Variants in MICU1 observed in about 807,000 individuals in gnomAD.
The protein encoded by MICU1 is calcium uptake protein 1, mitochondrial.
In MICU1, 45 loss-of-function variants were observed where a neutral mutation model predicts 56.8. The ratio of observed to expected loss-of-function variants is 0.79; its 90% CI spans 0.62 to 1.02. The LOEUF (loss-of-function observed/expected upper bound fraction) is 1.02. MICU1 is among the 50% of genes least tolerant of loss of function. The pLI is 0.00. For synonymous variants in MICU1, 186 were observed against 195.1 expected, an observed-to-expected ratio of 0.95 and a Z score of 0.39; for missense variants, 504 against 587.1, an observed-to-expected ratio of 0.86 and a Z score of 1.46.
chr10:72,624,825 A>G (rs1842190786), intron 1 of MICU1, among the ~76,000 whole-genome samples: 1 of 152,216 alleles, frequency 6.6e-6, no homozygotes, highest in South Asian at 2.1e-4. Context: ...AGCTGGAGGC[A>G]AAAGCCACCT....
intron 1 of MICU1, among the ~76,000 whole-genome samples, chr10:72,615,748 T>C (rs1296387797): frequency 6.6e-6 from 1 of 152,028 alleles, no homozygotes; most frequent in Non-Finnish European, 1.5e-5. Context: ...CCCAGCACTT[T>C]GGGAGGCCGA....
intron 4 of MICU1, 72 bp downstream of exon 4, chr10:72,551,107 T>C (rs1840023780): frequency 1.4e-6 from 2 of 1,396,524 alleles, no homozygotes; most frequent in African/African-American, 1.4e-5. Flanking sequence ...ATTTCAGTAC[T>C]ATGTAGAAAG....
intron 8 of MICU1, among the ~76,000 whole-genome samples, chr10:72,426,564 AT>A (rs1864355718): frequency 6.6e-6 from 1 of 151,404 alleles, no homozygotes; most frequent in South Asian, 2.1e-4. Context: ...TGCCTGGCTA[AT>A]TTTTGCATTT....
intron 5 of MICU1, among the ~76,000 whole-genome samples, chr10:72,516,409 CT>C (rs1298154852): frequency 6.6e-6 from 1 of 152,050 alleles, no homozygotes; most frequent in Non-Finnish European, 1.5e-5. Context: ...ATGATAGTTT[CT>C]TTTGCTGTGT....
intron 8 of MICU1, among the ~76,000 whole-genome samples, chr10:72,457,160 C>A (rs191566833): frequency 6.6e-6 from 1 of 151,190 alleles, no homozygotes; most frequent in African/African-American, 2.4e-5. Context: ...GTTGCTAATA[C>A]AGTTGTAGAG....
Position 72,388,470 on chromosome 10 carries a change from C to G in MICU1, c.1181-12598G>C, listed in dbSNP as rs888946252. The stretch of plus-strand genomic sequence containing the variant: ...TCTACTAAGGCGTTCCTATGCAGGA[C>G]AAGAAGCTAGATTAGACAACTCCAA... On this transcript the variant is annotated intron_variant, in intron 10 of 11. Transcript: ENST00000361114. 1.8e-4 allele frequency among the ~76,000 whole-genome samples: 27 copies of G among 152,066 alleles called. 1 individual carries two copies. The highest frequency in any genetic ancestry group is 6.5e-4 in the African/African-American group (27 of 41,374).
intron 6 of MICU1, among the ~76,000 whole-genome samples, chr10:72,489,290 TCACACACACACACACACA>T (rs67070756): frequency 2.1e-5 from 3 of 141,556 alleles, no homozygotes; most frequent in Admixed American, 7.1e-5. Context: ...CGAGACTCTG[TCACACACACACACACACA>T]CACACACACA....
chr10:72,588,326 G>GTTT (rs11440516), intron 1 of MICU1, among the ~76,000 whole-genome samples: 1 of 148,256 alleles, frequency 6.7e-6, no homozygotes, highest in Non-Finnish European at 1.5e-5. Context: ...CCAGTCTGAG[G>GTTT]TTTTTTTTTT....
intron 10 of MICU1, among the ~76,000 whole-genome samples, chr10:72,395,725 G>A (rs1863233819): frequency 6.6e-6 from 1 of 152,258 alleles, no homozygotes; most frequent in Non-Finnish European, 1.5e-5. Context: ...GCCTGGCTGG[G>A]GGAGGGGCAT....
chr10:72,456,362 C>CTTT (rs1865457195), intron 8 of MICU1, among the ~76,000 whole-genome samples: 2 of 152,084 alleles, frequency 1.3e-5, no homozygotes, highest in African/African-American at 4.8e-5. Context: ...AAGCTGTGAC[C>CTTT]AAAAGGATAA....
intron 8 of MICU1, among the ~76,000 whole-genome samples, chr10:72,442,452 T>C (rs953229450): frequency 2.6e-5 from 4 of 152,120 alleles, no homozygotes; most frequent in African/African-American, 7.2e-5. Flanking sequence ...CCAATTTTCA[T>C]AGCGATAAAA....
intron 5 of MICU1, among the ~76,000 whole-genome samples, chr10:72,525,987 T>A (rs74351576): frequency 0.027 from 4,158 of 152,182 alleles, 187 homozygotes; most frequent in African/African-American, 0.096. Context: ...CTTTATAACA[T>A]CTACTAACCA....
At chr10:72,496,301 T>C (rs1338739970) in intron 6 of MICU1, among the ~76,000 whole-genome samples, 1 of 124,616 alleles carries the variant, frequency 8.0e-6, no homozygotes, top group African/African-American at 4.1e-5. Context: ...GGCTAATTCC[T>C]TTTTTTTTTT....
chr10:72,406,484 A>C (rs1389729070), intron 10 of MICU1, among the ~76,000 whole-genome samples: 1 of 152,222 alleles, frequency 6.6e-6, no homozygotes, highest in African/African-American at 2.4e-5. Flanking sequence ...GCTGATTCTA[A>C]AATTTATATG....
intron 1 of MICU1, among the ~76,000 whole-genome samples, chr10:72,603,041 G>C (rs981217847): frequency 6.6e-6 from 1 of 152,084 alleles, no homozygotes; most frequent in Non-Finnish European, 1.5e-5. Flanking sequence ...CGTGAACCCA[G>C]AAGTCAGAGC....
chr10:72,372,503 G>C (rs1309482644), intron 11 of MICU1, among the ~76,000 whole-genome samples: 1 of 152,064 alleles, frequency 6.6e-6, no homozygotes, highest in African/African-American at 2.4e-5. Flanking sequence ...ATGTAATTAA[G>C]AGAACAGAAA....
intron 1 of MICU1, among the ~76,000 whole-genome samples, chr10:72,614,481 A>G (rs1841931174): frequency 6.6e-6 from 1 of 152,266 alleles, no homozygotes; most frequent in African/African-American, 2.4e-5. Flanking sequence ...CCAAGTGTCC[A>G]CTGATGGATG....
intron 8 of MICU1, among the ~76,000 whole-genome samples, chr10:72,434,793 G>T (rs1432095611): frequency 6.6e-6 from 1 of 152,202 alleles, no homozygotes; most frequent in Admixed American, 6.5e-5. Flanking sequence ...CTGCTTAGAT[G>T]AAAATATTAA....
intron 1 of MICU1, among the ~76,000 whole-genome samples, chr10:72,611,805 G>A (rs1841857205): frequency 6.6e-6 from 1 of 151,890 alleles, no homozygotes; most frequent in Non-Finnish European, 1.5e-5. Flanking sequence ...ACAGGCCAGG[G>A]AGGTGATAAG....
Sources: allele counts gnomAD v4.1 joint callset (sites outside exome capture counted in the v4.1 genomes callset), GRCh38; gene constraint gnomAD v4.1.1; transcripts MANE v1.5; gene names NCBI Gene and HGNC (gene_info 2026-07-23, HGNC 2026-07-21).